KBTBD11: variants seen among roughly 807,000 people sequenced by gnomAD.
The protein encoded by KBTBD11 is kelch repeat and BTB domain-containing protein 11.
For missense variants in KBTBD11, 1,390 were observed against 1,001.8 expected, an observed-to-expected ratio of 1.39 and a Z score of -5.23; for synonymous variants, 747 against 499.0, an observed-to-expected ratio of 1.50 and a Z score of -6.63.
intron 1 of KBTBD11, among the ~76,000 whole-genome samples, chr8:1,978,627 G>A (rs1816432644): frequency 6.6e-6 from 1 of 152,224 alleles, no homozygotes; most frequent in African/African-American, 2.4e-5. Context: ...GTCATGTTGT[G>A]TTGCTTCCCC....
chr8:1,998,877 C>T (rs1817240395), intron 1 of KBTBD11, among the ~76,000 whole-genome samples: 4 of 152,214 alleles, frequency 2.6e-5, no homozygotes, highest in African/African-American at 7.2e-5. Context: ...CATTTCGGGT[C>T]ACCGTTACAT....
chr8:1,992,035 T>C (rs1003787514), intron 1 of KBTBD11, among the ~76,000 whole-genome samples: 1 of 151,974 alleles, frequency 6.6e-6, no homozygotes, highest in Admixed American at 6.6e-5. Context: ...TTGAGGAACG[T>C]CTAACTTTCA....
In KBTBD11 at chr8:2,002,534, G is replaced by A. The variant is rs1369566443; in HGVS notation, c.1342G>A (p.Val448Met). Residue 448 changes from valine (V) to methionine (M), a missense_variant, in exon 2 of 2, where the codon GTG (valine) becomes ATG (methionine). By Grantham distance (21) the Val-to-Met change is conservative. Transcript: ENST00000320248. This position sits in a 1 kb window ranked among gnomAD's most constrained non-coding sequence, Gnocchi z 4.1. ...VAPLPRGAFA[V>M]AHEATTCHGE... ...GCCGCTGCCCCGGGGCGCCTTCGCC[G>A]TGGCGCATGAGGCCACCACCTGCCA... The A allele has an allele frequency of 7.5e-5, 116 of 1,551,572 alleles. No homozygotes were observed. The highest frequency in any genetic ancestry group is 9.7e-5 in the Non-Finnish European group (112 of 1,159,966).
intron 1 of KBTBD11, among the ~76,000 whole-genome samples, chr8:1,980,856 T>C (rs1449771132): frequency 6.6e-6 from 1 of 152,238 alleles, no homozygotes; most frequent in Non-Finnish European, 1.5e-5. Context: ...CTGCTCAAGC[T>C]GAATGACCAC....
Position 2,001,192 on chromosome 8 carries a change from C to A in KBTBD11, c.-1C>A. 3 of 1,356,298 alleles carry A rather than the reference C, an allele frequency of 2.2e-6. No homozygotes were observed. Among genetic ancestry groups the A allele is most frequent in the Non-Finnish European group, 2.9e-6 (3 of 1,052,602 alleles). The allele number at this position is 1,356,298 out of a possible 1,614,324, so 84.0% of individuals were successfully genotyped here. A position where few individuals can be genotyped will look rare whatever the true frequency, so the allele number is the denominator to read the frequency against. On this transcript the variant is annotated 5_prime_UTR_variant, in exon 2 of 2. Transcript: ENST00000320248. ...CGGGCGCAGCGCAGCACAGCCCGGC[C>A]ATGGAGCACGCGGTGGCCCCCTGCG...
chr8:1,984,784 A>G (rs1039058762), intron 1 of KBTBD11, among the ~76,000 whole-genome samples: 3 of 152,038 alleles, frequency 2.0e-5, no homozygotes, highest in African/African-American at 7.2e-5. Flanking sequence ...CTGCAGTAAA[A>G]TCTCGTATCA....
At chr8:1,985,485 C>T (rs992816916) in intron 1 of KBTBD11, among the ~76,000 whole-genome samples, 1 of 152,258 alleles carries the variant, frequency 6.6e-6, no homozygotes. Context: ...GCCCGGCGCC[C>T]GGCAAGCCAC....
intron 1 of KBTBD11, among the ~76,000 whole-genome samples, chr8:1,982,925 C>CA (rs1816587909): frequency 6.6e-6 from 1 of 152,056 alleles, no homozygotes. Flanking sequence ...GGGGTATTGC[C>CA]ATGTTGTCCA....
At chr8:1,976,650 C>G (rs1177866604) in intron 1 of KBTBD11, among the ~76,000 whole-genome samples, 1 of 152,014 alleles carries the variant, frequency 6.6e-6, no homozygotes, top group African/African-American at 2.4e-5. Context: ...TCTCTGCTAT[C>G]TGCAGCTGAG....
intron 1 of KBTBD11, among the ~76,000 whole-genome samples, chr8:1,987,723 C>G (rs1816751198): frequency 8.6e-6 from 1 of 116,562 alleles, no homozygotes; most frequent in Non-Finnish European, 1.8e-5. Context: ...TCTTTTGGAG[C>G]CTTTATTATT....
chr8:2,001,580 C>A lies in KBTBD11; in HGVS notation c.388C>A (p.Pro130Thr). ...GGAGCCCGGGGAGCCCGCGCCCGTA[C>A]CCCCGGGGTTCGGGGCGGTGTACGG... is the stretch of plus-strand genomic sequence containing the variant. Reference protein sequence around the residue: ...PEEPGEPAPVPPGFGAVYGEP... With the variant: ...PEEPGEPAPVTPGFGAVYGEP... Residue 130 changes from proline to threonine, a missense_variant, in exon 2 of 2, where the codon CCC (proline) becomes ACC (threonine). By Grantham distance (38) the Pro-to-Thr change is conservative. Transcript: ENST00000320248. 1.4e-6 allele frequency: 2 copies of A among 1,450,894 alleles called. No homozygotes were observed. Among genetic ancestry groups the A allele is most frequent in the South Asian group, 1.3e-5 (1 of 75,712 alleles). The allele number at this position is 1,450,894 out of a possible 1,614,324, so 89.9% of individuals were successfully genotyped here.
intron 1 of KBTBD11, among the ~76,000 whole-genome samples, chr8:1,986,670 G>A (rs1448547335): frequency 1.3e-5 from 2 of 152,182 alleles, no homozygotes; most frequent in Non-Finnish European, 1.5e-5. Flanking sequence ...GTTTAAGGTT[G>A]TATGGTTTGC....
chr8:1,976,209 T>C (rs1585715017), intron 1 of KBTBD11: 1 of 152,072 alleles, frequency 6.6e-6, no homozygotes, highest in African/African-American at 2.4e-5. Flanking sequence ...TCAGCATGTG[T>C]TCCCTTGGTG....
At chr8:1,984,789 G>A (rs374033056) in intron 1 of KBTBD11, among the ~76,000 whole-genome samples, 7 of 152,046 alleles carry the variant, frequency 4.6e-5, no homozygotes, top group African/African-American at 9.7e-5. Flanking sequence ...GTAAAATCTC[G>A]TATCATTAAA....
intron 1 of KBTBD11, chr8:1,974,421 CCTCCCGGGGTTG>C: frequency 1.0e-6 from 1 of 985,144 alleles, no homozygotes; most frequent in Non-Finnish European, 1.2e-6. Flanking sequence ...GGCGGGGGCT[CCTCCCGGGGTTG>C]CTCCGCTTGG....
Position 2,001,465 on chromosome 8 carries a change from C to A in KBTBD11, c.273C>A (p.Leu91=), listed in dbSNP as rs1255812161. The A allele has an allele frequency of 4.4e-6, 6 of 1,366,782 alleles. No homozygotes were observed. In the East Asian group the frequency reaches 1.5e-4, roughly 35 times the overall value. The allele number at this position is 1,366,782 out of a possible 1,614,324, so 84.7% of individuals were successfully genotyped here. A position where few individuals can be genotyped will look rare whatever the true frequency, so the allele number is the denominator to read the frequency against. ...GSAGAASPEE[L]ASPEERACPE... ...CGGGCGCCGCGTCCCCGGAGGAGCT[C>A]GCGTCCCCTGAGGAGCGCGCGTGCC... The change falls in exon 2 of 2, where the codon CTC becomes CTA. Residue 91 remains leucine, a synonymous_variant. Coordinates refer to ENST00000320248, the MANE Select transcript of KBTBD11 (RefSeq NM_014867.3).
chr8:1,977,108 C>T (rs1185114464), intron 1 of KBTBD11, among the ~76,000 whole-genome samples: 2 of 151,004 alleles, frequency 1.3e-5, no homozygotes, highest in African/African-American at 4.9e-5. Context: ...AGCTCATCAT[C>T]TATCATTAGT....
At chr8:1,995,315 T>A (rs1817097412) in intron 1 of KBTBD11, among the ~76,000 whole-genome samples, 1 of 152,074 alleles carries the variant, frequency 6.6e-6, no homozygotes, top group Admixed American at 6.6e-5. Flanking sequence ...AGGCAGACAC[T>A]AAGAGCAGAA....
rs1817330656 is a variant in KBTBD11 at position 2,001,188 on chromosome 8, C to CGGCCA, written c.-4_1dup. On this transcript the variant is annotated 5_prime_UTR_variant, in exon 2 of 2. Transcript: ENST00000320248. ...CGCGCGGGCGCAGCGCAGCACAGCC[C>CGGCCA]GGCCATGGAGCACGCGGTGGCCCCC... 7.4e-7 allele frequency: 1 copy of CGGCCA among 1,344,396 alleles called. No homozygotes were observed. Among genetic ancestry groups the CGGCCA allele is most frequent in the East Asian group, 3.1e-5 (1 of 32,422 alleles). The allele number at this position is 1,344,396 out of a possible 1,614,324, so 83.3% of individuals were successfully genotyped here. A position where few individuals can be genotyped will look rare whatever the true frequency, so the allele number is the denominator to read the frequency against.
Sources: allele counts gnomAD v4.1 joint callset (sites outside exome capture counted in the v4.1 genomes callset), GRCh38; gene constraint gnomAD v4.1.1; non-coding constraint Gnocchi (gnomAD v3.1); transcripts MANE v1.5; gene names NCBI Gene and HGNC (gene_info 2026-07-23, HGNC 2026-07-21).